The following RGPD5 variants were observed in gnomAD, a reference collection of about 807,000 sequenced individuals.
RGPD5 encodes RANBP2-like and GRIP domain-containing protein 5/6.
chr2:109,765,081 G>A, the RGPD5 span, among the ~76,000 whole-genome samples: 1 of 123,508 alleles, frequency 8.1e-6, no homozygotes, highest in East Asian at 2.5e-4. Context: ...TGTTCAGATA[G>A]GCATTATTCT....
the RGPD5 span, among the ~76,000 whole-genome samples, chr2:109,778,115 G>C: frequency 7.4e-6 from 1 of 135,122 alleles, no homozygotes; most frequent in Non-Finnish European, 1.6e-5. Flanking sequence ...AGCAAAACAA[G>C]CAAAATACAG....
chr2:109,778,574 T>C, the RGPD5 span, among the ~76,000 whole-genome samples: 1 of 148,930 alleles, frequency 6.7e-6, no homozygotes, highest in Admixed American at 6.8e-5. Flanking sequence ...CCATTTAATA[T>C]ACTTCCTGGA....
the RGPD5 span, among the ~76,000 whole-genome samples, chr2:109,763,946 C>G: frequency 2.7e-5 from 4 of 145,866 alleles, no homozygotes; most frequent in Admixed American, 7.2e-5. Context: ...AAGCTCAGTT[C>G]TGTTGAATAT....
At chr2:109,778,405 G>A in the RGPD5 span, among the ~76,000 whole-genome samples, 1 of 149,152 alleles carries the variant, frequency 6.7e-6, no homozygotes, top group Non-Finnish European at 1.5e-5. Context: ...TAAATGTGTG[G>A]AATGTTGTTT....
At chr2:109,773,251 G>A in the RGPD5 span, among the ~76,000 whole-genome samples, 1 of 150,910 alleles carries the variant, frequency 6.6e-6, no homozygotes, top group Non-Finnish European at 1.5e-5. Context: ...GGGTTGAAAA[G>A]GAAAGATCAG....
At chr2:109,769,343 GT>G in the RGPD5 span, among the ~76,000 whole-genome samples, 1 of 110,144 alleles carries the variant, frequency 9.1e-6, no homozygotes, top group African/African-American at 3.9e-5. Flanking sequence ...CCTAGCTGCG[GT>G]TTCCATGTGT....
At chr2:109,773,011 A>C in the RGPD5 span, among the ~76,000 whole-genome samples, 1 of 152,062 alleles carries the variant, frequency 6.6e-6, no homozygotes. Flanking sequence ...ATTTAAATGT[A>C]TTGCATGTAA....
At chr2:109,760,717 C>T in the RGPD5 span, among the ~76,000 whole-genome samples, 1 of 145,478 alleles carries the variant, frequency 6.9e-6, no homozygotes, top group Non-Finnish European at 1.5e-5. Flanking sequence ...ACACCTCCCA[C>T]CATGGACAGC....
At chr2:109,761,376 G>T in the RGPD5 span, among the ~76,000 whole-genome samples, 2 of 150,810 alleles carry the variant, frequency 1.3e-5, no homozygotes, top group Admixed American at 1.3e-4. Flanking sequence ...TCCTTTCCTC[G>T]GGGTTCACAG....
chr2:109,766,782 G>A, the RGPD5 span, among the ~76,000 whole-genome samples: 1 of 149,738 alleles, frequency 6.7e-6, no homozygotes, highest in Non-Finnish European at 1.5e-5. Context: ...GAATAGATTT[G>A]CCTGTTTGAT....
the RGPD5 span, among the ~76,000 whole-genome samples, chr2:109,778,247 A>G: frequency 8.1e-5 from 11 of 135,434 alleles, no homozygotes; most frequent in Admixed American, 6.3e-4. Context: ...CTTCAGCTCC[A>G]CTGTGGGGTA....
the RGPD5 span, among the ~76,000 whole-genome samples, chr2:109,760,894 C>T: frequency 1.2e-5 from 1 of 85,002 alleles, no homozygotes; most frequent in East Asian, 4.3e-4. Flanking sequence ...TGGGGTGGGT[C>T]GGGGGCGCCT....
chr2:109,764,599 T>C, the RGPD5 span, among the ~76,000 whole-genome samples: 1 of 149,386 alleles, frequency 6.7e-6, no homozygotes, highest in East Asian at 2.1e-4. Context: ...AAGGAAGTTT[T>C]CAACACTGGT....
the RGPD5 span, among the ~76,000 whole-genome samples, chr2:109,767,309 G>A: frequency 1.3e-5 from 2 of 150,008 alleles, no homozygotes; most frequent in African/African-American, 4.9e-5. Flanking sequence ...TGAGTAGAGA[G>A]GTTGGTAGCT....
At chr2:109,766,628 G>T in the RGPD5 span, among the ~76,000 whole-genome samples, 1 of 149,934 alleles carries the variant, frequency 6.7e-6, no homozygotes, top group African/African-American at 2.5e-5. Context: ...GAATGTCCTT[G>T]TTAACCACAA....
the RGPD5 span, among the ~76,000 whole-genome samples, chr2:109,770,049 A>T: frequency 9.4e-6 from 1 of 106,606 alleles, no homozygotes; most frequent in African/African-American, 4.7e-5. Flanking sequence ...GATTCAGACA[A>T]CCCGCCCCCC....
the RGPD5 span, among the ~76,000 whole-genome samples, chr2:109,774,545 T>C: frequency 2.0e-5 from 2 of 99,200 alleles, no homozygotes; most frequent in South Asian, 3.3e-4. Flanking sequence ...ATATAAAATA[T>C]ATATAATATA....
chr2:109,763,568 CAA>C, the RGPD5 span, among the ~76,000 whole-genome samples: 11 of 149,600 alleles, frequency 7.4e-5, no homozygotes, highest in Non-Finnish European at 1.5e-4. Context: ...ACTAAAATAA[CAA>C]AGAGAGAGAG....
chr2:109,763,571 A>C, the RGPD5 span, among the ~76,000 whole-genome samples: 1 of 149,810 alleles, frequency 6.7e-6, no homozygotes, highest in Admixed American at 6.8e-5. Flanking sequence ...AAAATAACAA[A>C]GAGAGAGAGC....
Sources: gnomAD v4.1 joint callset for allele counts (sites outside exome capture counted in the v4.1 genomes callset) on GRCh38, gnomAD v4.1.1 for gene constraint, MANE v1.5 for transcripts, NCBI Gene and HGNC (gene_info 2026-07-23, HGNC 2026-07-21) for gene names.